Variants in DOCK3 observed in about 807,000 individuals in gnomAD.
DOCK3 encodes the protein dedicator of cytokinesis 3, also known as dedicator of cytokinesis protein 3.
DOCK3 carries 60 observed loss-of-function variants against 265.6 expected under a neutral mutation model. The ratio of observed to expected loss-of-function variants is 0.23; its 90% CI spans 0.18 to 0.28. DOCK3 has a LOEUF of 0.28. Ranked by LOEUF, DOCK3 falls within the 10% of genes least tolerant of loss-of-function variation. DOCK3 has a pLI of 1.00. For missense variants in DOCK3, 1,981 were observed against 2,594.3 expected (o/e 0.76, Z 5.14); for synonymous variants, 881 against 938.0 (o/e 0.94, Z 1.11).
At chr3:50,787,980 TG>T in intron 2 of DOCK3, 1 of 853,124 alleles carries the variant, frequency 1.2e-6, no homozygotes. Flanking sequence ...TCCTCTTCTG[TG>T]TCATCAGAAT....
At chr3:51,296,516 G>A (rs1369675132) in intron 27 of DOCK3, among the ~76,000 whole-genome samples, 2 of 139,304 alleles carry the variant, frequency 1.4e-5, no homozygotes, top group African/African-American at 5.4e-5. Context: ...TTGCTCTGTT[G>A]CCTGGGCTGG....
chr3:50,835,276 C>T (rs2045435987), intron 2 of DOCK3, among the ~76,000 whole-genome samples: 1 of 152,186 alleles, frequency 6.6e-6, no homozygotes, highest in African/African-American at 2.4e-5. Flanking sequence ...TTTCTTTACA[C>T]ACCTTGCATG....
chr3:50,881,986 G>A (rs150863203), intron 3 of DOCK3, among the ~76,000 whole-genome samples: 2,903 of 152,222 alleles, frequency 0.019, 94 homozygotes, highest in African/African-American at 0.067. Flanking sequence ...TCTGCTCTTT[G>A]ACAAACCTGA....
At chr3:50,989,469 A>G (rs1231494227) in intron 5 of DOCK3, among the ~76,000 whole-genome samples, 1 of 152,180 alleles carries the variant, frequency 6.6e-6, no homozygotes, top group Non-Finnish European at 1.5e-5. Context: ...CACACAACCA[A>G]GGAAGCATCT....
chr3:51,041,592 G>A (rs1243279071), intron 5 of DOCK3, among the ~76,000 whole-genome samples: 1 of 152,082 alleles, frequency 6.6e-6, no homozygotes, highest in African/African-American at 2.4e-5. Context: ...AATAGATCTT[G>A]TGTTAACAGG....
At chr3:51,091,131 A>G (rs985244336) in intron 9 of DOCK3, among the ~76,000 whole-genome samples, 2 of 152,204 alleles carry the variant, frequency 1.3e-5, no homozygotes, top group Admixed American at 6.5e-5. Flanking sequence ...CTTATCACCA[A>G]TGGCTCCTAG....
chr3:51,320,929 G>A (rs529490057), intron 32 of DOCK3, among the ~76,000 whole-genome samples: 60 of 152,268 alleles, frequency 3.9e-4, no homozygotes, highest in Middle Eastern at 6.8e-3. Context: ...CCTGCCTGAC[G>A]GCTCTGAAGA....
chr3:51,045,255 C>T (rs2080723888), intron 5 of DOCK3, among the ~76,000 whole-genome samples: 1 of 152,036 alleles, frequency 6.6e-6, no homozygotes, highest in Non-Finnish European at 1.5e-5. Context: ...ATTATTTTGT[C>T]TCAGAGAATA....
At chr3:51,079,526 T>C (rs1393567059) in intron 7 of DOCK3, among the ~76,000 whole-genome samples, 4 of 152,004 alleles carry the variant, frequency 2.6e-5, no homozygotes, top group African/African-American at 7.2e-5. Flanking sequence ...ATTATTTTTA[T>C]TTTTTCGGTA....
At chr3:50,810,960 A>G (rs541363883) in intron 2 of DOCK3, among the ~76,000 whole-genome samples, 3 of 152,352 alleles carry the variant, frequency 2.0e-5, no homozygotes, top group South Asian at 2.1e-4. Context: ...ATTTTTTACT[A>G]TATGTAAATT....
intron 2 of DOCK3, among the ~76,000 whole-genome samples, chr3:50,836,175 G>T (rs751767572): frequency 2.0e-5 from 3 of 152,168 alleles, no homozygotes; most frequent in African/African-American, 4.8e-5. Flanking sequence ...TCTGGAGGAC[G>T]GTGGCTGTCT....
In DOCK3 at chr3:51,381,380, G is replaced by T. The variant is rs782282732; in HGVS notation, c.5914G>T (p.Ala1972Ser). ...CCCTCAGGACCCCATGGACCCGCCT[G>T]CGCTGCCGCCCAAGCCCTACCACCC... Reference protein sequence around the residue: ...VIPQDPMDPPALPPKPYHPRL... With the variant: ...VIPQDPMDPPSLPPKPYHPRL... Residue 1972 changes from alanine (A) to serine (S), a missense_variant, in exon 53 of 53, where the codon GCG becomes TCG. Physicochemically the swap from Ala to Ser is moderately conservative, Grantham distance 99 (BLOSUM62 1). Transcript: ENST00000266037. This position sits in a 1 kb window ranked among gnomAD's most constrained non-coding sequence, Gnocchi z 5.6. The T allele has an allele frequency of 6.2e-7, 1 of 1,612,756 alleles. No homozygotes were observed. Among genetic ancestry groups the T allele is most frequent in the South Asian group, 1.1e-5 (1 of 91,060 alleles).
Position 51,129,820 on chromosome 3 carries a change from G to A in DOCK3, c.747-16729G>A, listed in dbSNP as rs564471085. Among the ~76,000 whole-genome samples, 594 of 152,282 alleles carry A rather than the reference G, an allele frequency of 3.9e-3. 1 individual carries two copies. The highest frequency in any genetic ancestry group is 6.1e-3 in the Non-Finnish European group (417 of 68,032). ...GCCATTGACACCTCAAGCACCATTG[G>A]ATCTGCTGGGTCATATGGCCCAAGT... On this transcript the variant is annotated intron_variant, in intron 9 of 52. Coordinates refer to ENST00000266037, the MANE Select transcript of DOCK3 (RefSeq NM_004947.5).
At chr3:51,243,316 T>C (rs534374425) in intron 21 of DOCK3, among the ~76,000 whole-genome samples, 1 of 152,302 alleles carries the variant, frequency 6.6e-6, no homozygotes, top group African/African-American at 2.4e-5. Context: ...TCTGTGGTGG[T>C]TGAGGGCTCT....
intron 40 of DOCK3, among the ~76,000 whole-genome samples, chr3:51,352,470 A>G (rs1313902136): frequency 6.6e-6 from 1 of 152,162 alleles, no homozygotes; most frequent in Non-Finnish European, 1.5e-5. Flanking sequence ...CTGGCATAAA[A>G]CCTGCATCTA....
intron 5 of DOCK3, among the ~76,000 whole-genome samples, chr3:51,038,072 C>G (rs374451206): frequency 1.3e-5 from 2 of 152,276 alleles, no homozygotes; most frequent in South Asian, 2.1e-4. Flanking sequence ...CTAAGCTGTA[C>G]TTTTACCACG....
rs1023701403 is a variant in DOCK3 at position 50,705,765 on chromosome 3, C to G, written c.37+30465C>G. 2.6e-5 allele frequency among the ~76,000 whole-genome samples: 4 copies of G among 152,256 alleles called. No homozygotes were observed. The East Asian group carries it at 7.8e-4, about 30-fold the overall frequency. ...AGTTTTCTGGCTGGGCATGGTGGCT[C>G]ACACCTGTAATCCCAGCACTTTAGC... On this transcript the variant is annotated intron_variant, in intron 1 of 52. Coordinates refer to ENST00000266037, the MANE Select transcript of DOCK3 (RefSeq NM_004947.5).
At chr3:51,092,062 A>G (rs1197719570) in intron 9 of DOCK3, among the ~76,000 whole-genome samples, 1 of 152,194 alleles carries the variant, frequency 6.6e-6, no homozygotes, top group African/African-American at 2.4e-5. Context: ...CTGGGTTTCA[A>G]GCACAAAACT....
chr3:51,114,616 C>G (rs2083655716), intron 9 of DOCK3, among the ~76,000 whole-genome samples: 1 of 152,088 alleles, frequency 6.6e-6, no homozygotes, highest in Non-Finnish European at 1.5e-5. Context: ...ACAAAATGGA[C>G]AGGGTTAGGG....
Sources: allele counts gnomAD v4.1 joint callset (sites outside exome capture counted in the v4.1 genomes callset), GRCh38; gene constraint gnomAD v4.1.1; non-coding constraint Gnocchi (gnomAD v3.1); transcripts MANE v1.5; gene names NCBI Gene and HGNC (gene_info 2026-07-23, HGNC 2026-07-21).